TAFA1: variants seen among roughly 807,000 people sequenced by gnomAD.
TAFA1 encodes TAFA chemokine like family member 1, also known as chemokine-like protein TAFA-1.
TAFA1 carries 4 observed loss-of-function variants against 18.5 expected under a neutral mutation model. That is an observed-to-expected ratio of 0.22 (90% CI 0.11 to 0.49). TAFA1 has a LOEUF of 0.49. Among genes scored for constraint, TAFA1 ranks in the 20% least tolerant of loss-of-function variants. The probability of loss-of-function intolerance (pLI) is 0.98; values close to 1 mark genes in which losing one functional copy is unlikely to be tolerated. For missense variants in TAFA1, 147 were observed against 169.0 expected (o/e 0.87, Z 0.72); for synonymous variants, 56 against 55.2 (o/e 1.01, Z -0.06).
intron 3 of TAFA1, among the ~76,000 whole-genome samples, chr3:68,519,294 T>C (rs560758359): frequency 2.0e-5 from 3 of 152,324 alleles, no homozygotes; most frequent in African/African-American, 7.2e-5. Flanking sequence ...GAAGACGTCA[T>C]CTATAAACAA....
intron 2 of TAFA1, among the ~76,000 whole-genome samples, chr3:68,045,575 G>T (rs563226827): frequency 6.6e-6 from 1 of 152,194 alleles, no homozygotes; most frequent in South Asian, 2.1e-4. Context: ...ATGAGATTCT[G>T]CTACTAGATA....
At chr3:68,479,145 C>T (rs756125401) in intron 3 of TAFA1, among the ~76,000 whole-genome samples, 1 of 148,294 alleles carries the variant, frequency 6.7e-6, no homozygotes, top group Non-Finnish European at 1.5e-5. Context: ...ACAGGAGAAT[C>T]GCTTGAACCC....
At chr3:68,227,678 T>C (rs1460267374) in intron 2 of TAFA1, among the ~76,000 whole-genome samples, 1 of 152,238 alleles carries the variant, frequency 6.6e-6, no homozygotes, top group Non-Finnish European at 1.5e-5. Flanking sequence ...TTATATATTA[T>C]GGACTAGACT....
At chr3:68,065,673 A>C (rs2064665161) in intron 2 of TAFA1, among the ~76,000 whole-genome samples, 1 of 151,900 alleles carries the variant, frequency 6.6e-6, no homozygotes, top group Non-Finnish European at 1.5e-5. Flanking sequence ...ATATATACAT[A>C]GGTAGATATA....
chr3:68,113,652 C>T (rs893332842), intron 2 of TAFA1, among the ~76,000 whole-genome samples: 1 of 151,986 alleles, frequency 6.6e-6, no homozygotes, highest in South Asian at 2.1e-4. Context: ...AAATAATCAT[C>T]AAAAGGTTTG....
intron 3 of TAFA1, among the ~76,000 whole-genome samples, chr3:68,522,035 T>C (rs570677350): frequency 6.6e-6 from 1 of 151,750 alleles, no homozygotes; most frequent in South Asian, 2.1e-4. Flanking sequence ...TTTTCATAGA[T>C]GGGGTCTCGC....
intron 2 of TAFA1, among the ~76,000 whole-genome samples, chr3:68,371,804 A>AGT (rs1360813034): frequency 1.3e-5 from 2 of 152,192 alleles, no homozygotes; most frequent in African/African-American, 4.8e-5. Context: ...GACAGAGAAG[A>AGT]GTGTTAGAGA....
chr3:68,469,134 A>G (rs1275774135), intron 3 of TAFA1, among the ~76,000 whole-genome samples: 1 of 152,030 alleles, frequency 6.6e-6, no homozygotes, highest in East Asian at 1.9e-4. Context: ...TTTTTAAAAT[A>G]CCATTAAAAT....
At chr3:68,181,395 AC>A (rs1251861336) in intron 2 of TAFA1, among the ~76,000 whole-genome samples, 1 of 151,658 alleles carries the variant, frequency 6.6e-6, no homozygotes, top group Non-Finnish European at 1.5e-5. Flanking sequence ...AAAAAAAAAA[AC>A]TTCCTTAGAA....
Position 68,100,489 on chromosome 3 carries a change from C to T in TAFA1, c.118+93745C>T, listed in dbSNP as rs573896458. 7.9e-5 allele frequency among the ~76,000 whole-genome samples: 12 copies of T among 152,118 alleles called. No individual in the cohort carries two copies. The Middle Eastern group carries it at 0.01, about 129-fold the overall frequency. On this transcript the variant is annotated intron_variant, in intron 2 of 4. Transcript: ENST00000478136. ...TTGGTTTAGCATGGGACTGTCATGG[C>T]CACCAGATTGGTCTTTTGCTTTCTG... is the stretch of plus-strand genomic sequence containing the variant.
intron 2 of TAFA1, among the ~76,000 whole-genome samples, chr3:68,356,253 G>A (rs1010774570): frequency 1.3e-5 from 2 of 151,812 alleles, no homozygotes; most frequent in Admixed American, 1.3e-4. Flanking sequence ...ATGATTTCAG[G>A]CTTATGCATG....
rs544307878 is a variant in TAFA1, at chr3:68,038,051, C to T, written c.118+31307C>T. On this transcript the variant is annotated intron_variant, in intron 2 of 4. Transcript: ENST00000478136. ...TATAAATGATTCTCTGCTGATTGTA[C>T]CATTAACAGACCACAGATAGAAGCA... Among the ~76,000 whole-genome samples the T allele has an allele frequency of 2.6e-5, 4 of 152,254 alleles. No individual in the cohort carries two copies. The South Asian group carries it at 8.3e-4, about 32-fold the overall frequency.
chr3:68,110,729 T>C (rs898935611), intron 2 of TAFA1, among the ~76,000 whole-genome samples: 1 of 152,072 alleles, frequency 6.6e-6, no homozygotes, highest in Admixed American at 6.5e-5. Context: ...GCATGTACAA[T>C]GTGAAAGAAA....
In TAFA1 at chr3:68,432,099, G is replaced by C. The variant is rs149422598; in HGVS notation, c.259+14679G>C. ...ACCAGGGCCGGATGGTGGTGCCAAG[G>C]TCATCTAGCTATTTATCTTACCTCT... On this transcript the variant is annotated intron_variant, in intron 3 of 4. Transcript: ENST00000478136. 4.1e-3 allele frequency among the ~76,000 whole-genome samples: 630 copies of C among 152,014 alleles called. 9 individuals carry two copies. Among genetic ancestry groups the C allele is most frequent in the African/African-American group, 0.014 (592 of 41,482 alleles).
chr3:68,517,433 CCTTTCACCCTGGCTG>C (rs1559702045), intron 3 of TAFA1, among the ~76,000 whole-genome samples: 3 of 152,150 alleles, frequency 2.0e-5, no homozygotes, highest in Non-Finnish European at 4.4e-5. Flanking sequence ...TTATGTAGTG[CCTTTCACCCTGGCTG>C]CTTGTTTATA....
intron 2 of TAFA1, among the ~76,000 whole-genome samples, chr3:68,138,077 T>A (rs2065628989): frequency 6.6e-6 from 1 of 152,150 alleles, no homozygotes. Context: ...TATTTGTATA[T>A]ACCTAAGGTG....
rs137982487 is a variant in TAFA1 at position 68,278,611 on chromosome 3, C to T, written c.119-138669C>T. On this transcript the variant is annotated intron_variant, in intron 2 of 4. Transcript: ENST00000478136. ...ATAGTGCCATCACTTTCCCCTTCTGCGCCTGGGTAGATAGTATTACTTGAT... is the reference window on the plus strand; with the variant it reads ...ATAGTGCCATCACTTTCCCCTTCTGTGCCTGGGTAGATAGTATTACTTGAT... Among the ~76,000 whole-genome samples, 585 of 152,210 alleles carry T rather than the reference C, an allele frequency of 3.8e-3. 7 individuals carry two copies. Among genetic ancestry groups the T allele is most frequent in the African/African-American group, 0.013 (541 of 41,548 alleles).
Position 68,544,690 on chromosome 3 carries a change from C to CA in TAFA1, c.*189dup, listed in dbSNP as rs1314054452. On this transcript the variant is annotated 3_prime_UTR_variant, in exon 5 of 5. Coordinates refer to ENST00000478136, the MANE Select transcript of TAFA1 (RefSeq NM_213609.4). ...ACAGTGAGAAGACACAGCGTTTTGG[C>CA]AACACCATGGAAAGTGGGCTTAAAA... The CA allele has an allele frequency of 1.8e-6, 1 of 569,520 alleles. No homozygotes were observed. Among genetic ancestry groups the CA allele is most frequent in the Non-Finnish European group, 3.0e-6 (1 of 330,874 alleles). The allele number at this position is 569,520 out of a possible 1,614,324, so 35.3% of individuals were successfully genotyped here.
intron 3 of TAFA1, among the ~76,000 whole-genome samples, chr3:68,511,354 T>A (rs979941049): frequency 6.6e-6 from 1 of 152,140 alleles, no homozygotes; most frequent in Non-Finnish European, 1.5e-5. Context: ...TTAACTTAAT[T>A]ATTTTCTTAG....
Sources: gnomAD v4.1 joint callset for allele counts (sites outside exome capture counted in the v4.1 genomes callset) on GRCh38, gnomAD v4.1.1 for gene constraint, MANE v1.5 for transcripts, NCBI Gene and HGNC (gene_info 2026-07-23, HGNC 2026-07-21) for gene names.